KCNMA1: variants seen among roughly 807,000 people sequenced by gnomAD.
The protein encoded by KCNMA1 is Calcium-activated potassium channel subunit alpha-1.
A neutral mutation model predicts 140.0 loss-of-function variants in KCNMA1; 29 were observed. That is an observed-to-expected ratio of 0.21 (90% confidence interval 0.15 to 0.28). The LOEUF is 0.28. Ranked by LOEUF, KCNMA1 falls within the 10% of genes least tolerant of loss-of-function variation. The pLI, the probability that KCNMA1 is intolerant of heterozygous loss-of-function variation, is 1.00. For synonymous variants in KCNMA1, 612 were observed against 611.9 expected (o/e 1.00, Z 0.00); for missense variants, 880 against 1,602.2 (o/e 0.55, Z 7.70).
chr10:77,567,166 C>T (rs988006487), intron 1 of KCNMA1, among the ~76,000 whole-genome samples: 1 of 152,212 alleles, frequency 6.6e-6, no homozygotes, highest in African/African-American at 2.4e-5. Flanking sequence ...CTGAGCCCTA[C>T]AGTAGAGTTC....
chr10:77,354,624 G>T (rs1184830422), intron 2 of KCNMA1: 1 of 152,234 alleles, frequency 6.6e-6, no homozygotes, highest in Non-Finnish European at 1.5e-5. Flanking sequence ...TGTGTGGTAA[G>T]TATGCCATCA....
chr10:77,494,388 C>T (rs1288363242), intron 1 of KCNMA1, among the ~76,000 whole-genome samples: 1 of 152,238 alleles, frequency 6.6e-6, no homozygotes, highest in Non-Finnish European at 1.5e-5. Flanking sequence ...CCTCAGCACA[C>T]ACATTCCCTG....
intron 19 of KCNMA1, among the ~76,000 whole-genome samples, chr10:76,993,408 G>A (rs1011218138): frequency 5.9e-5 from 9 of 152,184 alleles, no homozygotes; most frequent in African/African-American, 2.2e-4. Context: ...GAATCACAAT[G>A]GCTGCCAGGT....
At chr10:77,117,411 T>C (rs565198475) in intron 6 of KCNMA1, among the ~76,000 whole-genome samples, 1 of 151,476 alleles carries the variant, frequency 6.6e-6, no homozygotes, top group South Asian at 2.1e-4. Context: ...TAGCCAGGTG[T>C]GGTGGCAGGC....
chr10:77,002,207 T>G lies in KCNMA1; in HGVS notation c.2093-627A>C, dbSNP rs76727281. Among the ~76,000 whole-genome samples the G allele has an allele frequency of 2.2e-3, 335 of 152,328 alleles. 4 individuals are homozygous for G. Among genetic ancestry groups the G allele is most frequent in the African/African-American group, 7.9e-3 (328 of 41,574 alleles). ...TATGATGGCTACAGGAATTTAAATT[T>G]ACTCTTGACAGAACAAATATCCAAA... On this transcript the variant is annotated intron_variant, in intron 18 of 27. Transcript: ENST00000286628.
intron 23 of KCNMA1, among the ~76,000 whole-genome samples, chr10:76,928,305 A>ACACACG (rs769282527): frequency 1.3e-5 from 1 of 78,206 alleles, no homozygotes; most frequent in Admixed American, 1.5e-4. Flanking sequence ...ACACACACAC[A>ACACACG]CACACGCACA....
chr10:77,367,863 G>C (rs891640821), intron 2 of KCNMA1, among the ~76,000 whole-genome samples: 82 of 152,290 alleles, frequency 5.4e-4, no homozygotes, highest in African/African-American at 1.9e-3. Context: ...ATTCATCCAA[G>C]TTGTTGCTTT....
At chr10:77,106,663 G>T (rs950551641) in intron 9 of KCNMA1, among the ~76,000 whole-genome samples, 1 of 152,208 alleles carries the variant, frequency 6.6e-6, no homozygotes, top group African/African-American at 2.4e-5. Flanking sequence ...CAGAAGATAG[G>T]GAGGCCATAA....
At chr10:76,951,136 G>A (rs1215103793) in intron 21 of KCNMA1, among the ~76,000 whole-genome samples, 1 of 152,196 alleles carries the variant, frequency 6.6e-6, no homozygotes, top group Admixed American at 6.5e-5. Context: ...TTCTAGAATA[G>A]GGAGGTGGGG....
At chr10:77,185,043 T>G in intron 3 of KCNMA1, 127 bp from the exon 4 acceptor site, 1 of 722,968 alleles carries the variant, frequency 1.4e-6, no homozygotes, top group South Asian at 1.5e-5. Context: ...AGAAAACATT[T>G]GGTCTTTCTG....
At chr10:77,551,621 T>A (rs1050344296) in intron 1 of KCNMA1, among the ~76,000 whole-genome samples, 1 of 152,226 alleles carries the variant, frequency 6.6e-6, no homozygotes, top group African/African-American at 2.4e-5. Context: ...AAACACACTG[T>A]TAATATGCAG....
chr10:77,528,502 C>T (rs1052884888), intron 1 of KCNMA1, among the ~76,000 whole-genome samples: 4 of 151,086 alleles, frequency 2.6e-5, no homozygotes, highest in Admixed American at 2.0e-4. Flanking sequence ...CCCAGCAACT[C>T]GGGAGGCTGA....
At chr10:76,960,885 C>T (rs1434063485) in intron 20 of KCNMA1, among the ~76,000 whole-genome samples, 4 of 151,828 alleles carry the variant, frequency 2.6e-5, no homozygotes, top group Non-Finnish European at 5.9e-5. Flanking sequence ...ACCTACTGCT[C>T]AGAGAAAAAG....
At chr10:76,893,262 G>A (rs945962416) in intron 25 of KCNMA1, among the ~76,000 whole-genome samples, 1 of 152,162 alleles carries the variant, frequency 6.6e-6, no homozygotes, top group African/African-American at 2.4e-5. Flanking sequence ...TGCACAGGAA[G>A]CACTGATAAA....
At chr10:76,948,877 T>C in intron 22 of KCNMA1, 1 of 532,834 alleles carries the variant, frequency 1.9e-6, no homozygotes, top group Non-Finnish European at 3.4e-6. Flanking sequence ...TGAGAGTGTT[T>C]AGACGCTGAT....
chr10:76,984,899 A>G (rs188367885), intron 19 of KCNMA1, among the ~76,000 whole-genome samples: 59 of 152,334 alleles, frequency 3.9e-4, no homozygotes, highest in Middle Eastern at 3.4e-3. Flanking sequence ...TATTTATTTT[A>G]GAGAAATAAA....
intron 2 of KCNMA1, among the ~76,000 whole-genome samples, chr10:77,303,315 T>C (rs899356885): frequency 1.3e-5 from 2 of 152,022 alleles, no homozygotes; most frequent in East Asian, 3.9e-4. Flanking sequence ...CTCCTCAGGG[T>C]CCACTCACTT....
intron 3 of KCNMA1, among the ~76,000 whole-genome samples, chr10:77,188,450 C>T (rs1031897196): frequency 6.6e-6 from 1 of 152,112 alleles, no homozygotes; most frequent in African/African-American, 2.4e-5. Flanking sequence ...CATTTCTAGG[C>T]TCCCATAATC....
intron 1 of KCNMA1, among the ~76,000 whole-genome samples, chr10:77,624,729 T>C (rs1187272321): frequency 1.3e-5 from 2 of 152,156 alleles, no homozygotes; most frequent in East Asian, 3.9e-4. Context: ...TCTAAGACAC[T>C]GTAGCTAGTC....
Sources: allele counts gnomAD v4.1 joint callset (sites outside exome capture counted in the v4.1 genomes callset), GRCh38; gene constraint gnomAD v4.1.1; transcripts MANE v1.5; gene names NCBI Gene and HGNC (gene_info 2026-07-23, HGNC 2026-07-21).